The following TEX9 variants were observed in gnomAD, a reference collection of about 807,000 sequenced individuals.
TEX9 encodes the protein testis-expressed protein 9.
Under a neutral mutation model 59.6 loss-of-function variants are expected in TEX9, and 74 were observed. That is an observed-to-expected ratio of 1.24 (90% CI 1.03 to 1.51). The LOEUF (loss-of-function observed/expected upper bound fraction) is 1.51, where lower values mean the gene tolerates loss of function less well. TEX9 is among the 40% of genes most tolerant of loss of function. The probability of loss-of-function intolerance (pLI) is 0.00; values close to 1 mark genes in which losing one functional copy is unlikely to be tolerated. For synonymous variants in TEX9, 186 were observed against 152.2 expected (o/e 1.22, Z -1.64); for missense variants, 522 against 447.8 (o/e 1.17, Z -1.49).
At chr15:56,460,009 A>AAAAAAAAAAAATAT in the TEX9 span, among the ~76,000 whole-genome samples, 61 of 26,376 alleles carry the variant, frequency 2.3e-3, 12 homozygotes, top group African/African-American at 6.3e-3. Context: ...AAAAAAAAAA[A>AAAAAAAAAAAATAT]ATACATATAT....
chr15:56,414,017 C>G (rs2049538870), intron 10 of TEX9, among the ~76,000 whole-genome samples: 2 of 151,730 alleles, frequency 1.3e-5, no homozygotes, highest in Non-Finnish European at 2.9e-5. Flanking sequence ...AGGAAGTCAT[C>G]TTTATAGACT....
At chr15:56,313,352 G>C (rs1158388980) in intron 1 of TEX9, among the ~76,000 whole-genome samples, 1 of 81,022 alleles carries the variant, frequency 1.2e-5, no homozygotes, top group African/African-American at 3.9e-5. Flanking sequence ...AGAGTTTTTA[G>C]CATGAAGGGT....
chr15:56,348,427 A>G (rs2046514186), intron 1 of TEX9, among the ~76,000 whole-genome samples: 1 of 152,106 alleles, frequency 6.6e-6, no homozygotes. Context: ...TTTGTAGTAT[A>G]AGTGACCTGA....
intron 12 of TEX9, among the ~76,000 whole-genome samples, chr15:56,435,108 A>T (rs919903465): frequency 6.6e-6 from 1 of 152,124 alleles, no homozygotes; most frequent in Non-Finnish European, 1.5e-5. Flanking sequence ...AGTTAATAAA[A>T]GTGAGACAGC....
chr15:56,407,971 C>T (rs559585310), intron 9 of TEX9, among the ~76,000 whole-genome samples: 9 of 152,190 alleles, frequency 5.9e-5, no homozygotes, highest in Non-Finnish European at 1.2e-4. Flanking sequence ...GGTCTCTGCA[C>T]TGGCAATTGT....
intron 9 of TEX9, among the ~76,000 whole-genome samples, chr15:56,410,999 C>T (rs141531689): frequency 5.4e-4 from 82 of 152,212 alleles, no homozygotes; most frequent in African/African-American, 1.9e-3. Flanking sequence ...TTTTGTTTTT[C>T]CCCTTAATTA....
chr15:56,331,208 G>A (rs1286027547), intron 1 of TEX9, among the ~76,000 whole-genome samples: 1 of 152,062 alleles, frequency 6.6e-6, no homozygotes, highest in African/African-American at 2.4e-5. Flanking sequence ...TAATAGCTGG[G>A]GAATTCAACA....
intron 1 of TEX9, among the ~76,000 whole-genome samples, chr15:56,281,342 T>G (rs1280080979): frequency 6.6e-6 from 1 of 152,234 alleles, no homozygotes; most frequent in Non-Finnish European, 1.5e-5. Context: ...TGTTAGGAAC[T>G]GGGCTGCACA....
exon 10 of TEX9, chr15:56,412,357 C>A: frequency 6.2e-7 from 1 of 1,613,516 alleles, no homozygotes; most frequent in Non-Finnish European, 8.5e-7. Context: ...CAAAGTGCCA[C>A]AGAGGTTCGC....
rs139470343 is a variant in TEX9 at position 56,427,510 on chromosome 15, A to G, written c.964-95A>G. Reference sequence around the variant, plus strand: ...CAAAAATTTTATATTTCAGTTTAAGAAAGTACTTTTTATTACTGTTGTGAT... The same window carrying G: ...CAAAAATTTTATATTTCAGTTTAAGGAAGTACTTTTTATTACTGTTGTGAT... On this transcript the variant is annotated intron_variant, in intron 10 of 12. Coordinates refer to ENST00000352903, the Ensembl canonical transcript of TEX9. 1,784 of 839,554 alleles carry G rather than the reference A, an allele frequency of 2.1e-3. 28 individuals carry two copies. In the African/African-American group the frequency reaches 0.03, roughly 14 times the overall value. The allele number at this position is 839,554 out of a possible 1,614,324, so 52.0% of individuals were successfully genotyped here. A position where few individuals can be genotyped will look rare whatever the true frequency, so the allele number is the denominator to read the frequency against.
chr15:56,292,538 C>T (rs1042947235), intron 1 of TEX9, among the ~76,000 whole-genome samples: 1 of 152,104 alleles, frequency 6.6e-6, no homozygotes, highest in Non-Finnish European at 1.5e-5. Context: ...AGGGTCTGAG[C>T]TACTCCACCA....
At chr15:56,428,812 G>A (rs191013792) in intron 12 of TEX9, 3 of 360,212 alleles carry the variant, frequency 8.3e-6, no homozygotes, top group Admixed American at 8.8e-5. Flanking sequence ...TCACTTTGGG[G>A]TAGAGTTCTG....
At chr15:56,365,884 T>C in intron 2 of TEX9, 1 of 1,388,402 alleles carries the variant, frequency 7.2e-7, no homozygotes, top group Non-Finnish European at 9.3e-7. Context: ...TGGGCGAAAA[T>C]TTAGCCCAAG....
At chr15:56,244,377 T>A (rs1030080814) in intron 1 of TEX9, 1 of 152,026 alleles carries the variant, frequency 6.6e-6, no homozygotes, top group Non-Finnish European at 1.5e-5. Context: ...AAATCGCGAG[T>A]CAGGAGCTGG....
At chr15:56,357,012 A>G (rs1430467311) in intron 1 of TEX9, among the ~76,000 whole-genome samples, 1 of 152,192 alleles carries the variant, frequency 6.6e-6, no homozygotes. Context: ...AGATAGGGCT[A>G]TAAGAATACT....
chr15:56,251,496 G>A (rs1256285658), intron 1 of TEX9, among the ~76,000 whole-genome samples: 1 of 152,194 alleles, frequency 6.6e-6, no homozygotes, highest in Admixed American at 6.5e-5. Flanking sequence ...GAAGATGTTA[G>A]TAATTAGCTA....
chr15:56,347,285 A>G (rs1012331951), intron 1 of TEX9, among the ~76,000 whole-genome samples: 1 of 152,132 alleles, frequency 6.6e-6, no homozygotes, highest in Non-Finnish European at 1.5e-5. Flanking sequence ...AAGTTTTTTA[A>G]AAAGAAAAAT....
chr15:56,286,689 AG>A (rs2044961007), intron 1 of TEX9, among the ~76,000 whole-genome samples: 2 of 152,204 alleles, frequency 1.3e-5, no homozygotes, highest in Non-Finnish European at 2.9e-5. Flanking sequence ...AGAATGGCAG[AG>A]GTCAATTTTC....
intron 12 of TEX9, among the ~76,000 whole-genome samples, chr15:56,433,560 T>TA (rs2050657515): frequency 6.6e-6 from 1 of 152,144 alleles, no homozygotes; most frequent in African/African-American, 2.4e-5. Context: ...GTGGATCCCT[T>TA]ATCTATTTGC....
Sources: allele counts gnomAD v4.1 joint callset (sites outside exome capture counted in the v4.1 genomes callset), GRCh38; gene constraint gnomAD v4.1.1; transcripts MANE v1.5; gene names NCBI Gene and HGNC (gene_info 2026-07-23, HGNC 2026-07-21).